The following SHTN1 variants were observed in gnomAD, a reference collection of about 807,000 sequenced individuals.
The protein encoded by SHTN1 is shootin 1, also known as shootin-1.
SHTN1 carries 42 observed loss-of-function variants against 83.1 expected under a neutral mutation model. The ratio of observed to expected loss-of-function variants is 0.51; its 90% CI spans 0.39 to 0.65. The LOEUF is 0.65. SHTN1 is among the 30% of genes least tolerant of loss of function. The pLI is 0.00. For missense variants in SHTN1, 622 were observed against 737.8 expected (o/e 0.84, Z 1.82); for synonymous variants, 224 against 247.7 (o/e 0.90, Z 0.90).
intron 2 of SHTN1, among the ~76,000 whole-genome samples, chr10:117,036,117 A>T (rs1852493266): frequency 6.6e-6 from 1 of 152,164 alleles, no homozygotes; most frequent in African/African-American, 2.4e-5. Context: ...AATGGCTTTT[A>T]TCCAAAGGGG....
At chr10:116,994,907 T>A (rs988526591) in intron 1 of SHTN1, among the ~76,000 whole-genome samples, 1 of 152,128 alleles carries the variant, frequency 6.6e-6, no homozygotes, top group Non-Finnish European at 1.5e-5. Flanking sequence ...CTAAATTATA[T>A]AAGAAACATT....
At chr10:116,910,156 A>G (rs914695399) in intron 14 of SHTN1, among the ~76,000 whole-genome samples, 11 of 152,184 alleles carry the variant, frequency 7.2e-5, no homozygotes, top group Admixed American at 2.0e-4. Context: ...GGGAATTACA[A>G]ATAGTCCATC....
At chr10:117,076,861 C>T (rs1853164501) in intron 1 of SHTN1, among the ~76,000 whole-genome samples, 1 of 152,160 alleles carries the variant, frequency 6.6e-6, no homozygotes, top group Non-Finnish European at 1.5e-5. Flanking sequence ...TTACAAGTTT[C>T]TGGAGAAAAG....
At chr10:116,904,056 C>T (rs1847862819) in intron 15 of SHTN1, among the ~76,000 whole-genome samples, 2 of 152,168 alleles carry the variant, frequency 1.3e-5, no homozygotes, top group Non-Finnish European at 2.9e-5. Flanking sequence ...GGGCAGATAA[C>T]CATTAACCTG....
chr10:116,924,467 A>G (rs1482889597), intron 11 of SHTN1, among the ~76,000 whole-genome samples: 1 of 152,222 alleles, frequency 6.6e-6, no homozygotes, highest in Non-Finnish European at 1.5e-5. Context: ...TAGATGATGG[A>G]AAGTGTTAGC....
chr10:117,103,340 C>T (rs567653763), intron 1 of SHTN1, among the ~76,000 whole-genome samples: 2 of 151,982 alleles, frequency 1.3e-5, no homozygotes, highest in East Asian at 3.9e-4. Context: ...ATCTGCCCGC[C>T]TCAGCTTCCC....
At chr10:116,888,229 A>G (rs1847223677) in intron 16 of SHTN1, among the ~76,000 whole-genome samples, 1 of 152,232 alleles carries the variant, frequency 6.6e-6, no homozygotes, top group Non-Finnish European at 1.5e-5. Flanking sequence ...TACCTTGGCC[A>G]AGGAACTACT....
chr10:117,059,225 T>C (rs934751815), intron 1 of SHTN1, among the ~76,000 whole-genome samples: 19 of 152,108 alleles, frequency 1.2e-4, no homozygotes, highest in African/African-American at 3.4e-4. Context: ...GGTGAGGATA[T>C]AGAGAAACTG....
At position 116,973,931 on chromosome 10, in the gene SHTN1, C is replaced by A. The variant is rs906905584; in HGVS notation, c.112-5219G>T. The A allele has an allele frequency of 2.3e-6, 3 of 1,277,208 alleles. No individual in the cohort carries two copies. In the South Asian group the frequency reaches 3.8e-5, roughly 16 times the overall value. The allele number at this position is 1,277,208 out of a possible 1,614,324, so 79.1% of individuals were successfully genotyped here. ...ATAGTAGTCGACAATTCTACTGCTC[C>A]ACCTATGTAAGTCTGGCCAGAACTG... is the stretch of plus-strand genomic sequence containing the variant. On this transcript the variant is annotated intron_variant, in intron 2 of 16. Transcript: ENST00000355371.
chr10:116,934,440 C>T (rs1168450589), intron 9 of SHTN1, among the ~76,000 whole-genome samples: 2 of 152,174 alleles, frequency 1.3e-5, no homozygotes, highest in Non-Finnish European at 2.9e-5. Context: ...TTCTCCATTG[C>T]TTGTTTTTGT....
intron 15 of SHTN1, 85 bp downstream of exon 15, chr10:116,906,542 A>C: frequency 7.4e-7 from 1 of 1,343,490 alleles, no homozygotes; most frequent in Non-Finnish European, 1.0e-6. Context: ...ATACTTTTTA[A>C]AAGATTGTTT....
At chr10:116,921,391 T>C (rs200561359) in intron 12 of SHTN1, 43 bp downstream of exon 12, 3 of 1,417,074 alleles carry the variant, frequency 2.1e-6, no homozygotes, top group East Asian at 2.3e-5. Context: ...TGCCCCAAAA[T>C]GGTACACCAT....
At chr10:116,886,863 G>A (rs921603284) in intron 16 of SHTN1, among the ~76,000 whole-genome samples, 8 of 152,202 alleles carry the variant, frequency 5.3e-5, no homozygotes, top group African/African-American at 1.4e-4. Flanking sequence ...CTCAGGAAGC[G>A]TAAAGCTCAT....
At chr10:117,087,533 T>C (rs186237094) in intron 1 of SHTN1, among the ~76,000 whole-genome samples, 87 of 152,136 alleles carry the variant, frequency 5.7e-4, no homozygotes, top group African/African-American at 1.9e-3. Context: ...GTTATACACA[T>C]ACAAAAAGGA....
At chr10:116,968,785 A>T (rs1850491812) in intron 2 of SHTN1, 73 bp from the exon 3 acceptor site, 6 of 1,147,582 alleles carry the variant, frequency 5.2e-6, no homozygotes, top group Non-Finnish European at 7.6e-6. Context: ...AGCAAGAGCA[A>T]ACTTATAAAC....
intron 2 of SHTN1, among the ~76,000 whole-genome samples, chr10:117,026,208 G>GGA (rs947019400): frequency 6.6e-6 from 1 of 152,172 alleles, no homozygotes; most frequent in African/African-American, 2.4e-5. Context: ...TTGAGTCCCA[G>GGA]GACAAGGATC....
At chr10:116,937,585 G>A (rs1051832759) in intron 9 of SHTN1, among the ~76,000 whole-genome samples, 11 of 151,998 alleles carry the variant, frequency 7.2e-5, no homozygotes, top group African/African-American at 2.2e-4. Context: ...CTCTCTGGCC[G>A]CCCTTAACAT....
intron 2 of SHTN1, among the ~76,000 whole-genome samples, chr10:117,019,926 G>A (rs2133563360): frequency 6.6e-6 from 1 of 152,188 alleles, no homozygotes; most frequent in East Asian, 1.9e-4. Flanking sequence ...CAGTATATTG[G>A]TATGGTATGG....
chr10:117,010,556 A>T (rs1288763262), upstream of SHTN1, among the ~76,000 whole-genome samples: 1 of 152,190 alleles, frequency 6.6e-6, no homozygotes. Flanking sequence ...AAAAAAGGAG[A>T]GAACACTTCC....
Sources: gnomAD v4.1 joint callset for allele counts (sites outside exome capture counted in the v4.1 genomes callset) on GRCh38, gnomAD v4.1.1 for gene constraint, MANE v1.5 for transcripts, NCBI Gene and HGNC (gene_info 2026-07-23, HGNC 2026-07-21) for gene names.